The following ODR4 variants were observed in gnomAD, a reference collection of about 807,000 sequenced individuals.
The protein encoded by ODR4 is odr-4 GPCR localization factor homolog.
ODR4 carries 47 observed loss-of-function variants against 60.2 expected under a neutral mutation model. That is an observed-to-expected ratio of 0.78 (90% confidence interval 0.62 to 1.00). The LOEUF is 1.00. ODR4 is among the 50% of genes least tolerant of loss of function. ODR4 has a pLI of 0.00. For missense variants in ODR4, 488 were observed against 530.8 expected, an observed-to-expected ratio of 0.92 and a Z score of 0.79; for synonymous variants, 178 against 175.5, an observed-to-expected ratio of 1.01 and a Z score of -0.11.
intron 4 of ODR4, 38 bp downstream of exon 4, chr1:186,386,121 T>TAAAAATAACA: frequency 8.3e-7 from 1 of 1,198,232 alleles, no homozygotes; most frequent in Non-Finnish European, 1.2e-6. Flanking sequence ...ATGAAATCAG[T>TAAAAATAACA]TATATGTTAT....
At chr1:186,388,390 AT>A (rs956768557) in intron 4 of ODR4, 51 bp from the exon 5 acceptor site, 304 of 1,013,632 alleles carry the variant, frequency 3.0e-4, no homozygotes, top group South Asian at 5.9e-4. Context: ...TTCAACACTC[AT>A]CTTTTTTTTT....
At chr1:186,411,849 T>C in intron 12 of ODR4, 4 of 978,268 alleles carry the variant, frequency 4.1e-6, no homozygotes, top group Non-Finnish European at 4.9e-6. Context: ...AAGAGTTTAA[T>C]ATTACAAGAA....
chr1:186,400,947 T>G, intron 11 of ODR4: 1 of 1,253,354 alleles, frequency 8.0e-7, no homozygotes, highest in South Asian at 1.3e-5. Context: ...GCAATTTGAC[T>G]TTGAGTTTGT....
chr1:186,416,533 A>T (rs1478760930), intron 12 of ODR4, among the ~76,000 whole-genome samples: 1 of 152,124 alleles, frequency 6.6e-6, no homozygotes, highest in East Asian at 1.9e-4. Context: ...TTAGTCGGGC[A>T]TAGTGGTGCA....
chr1:186,424,357 ACTTTTT>A (rs549636584), downstream of ODR4, among the ~76,000 whole-genome samples: 495 of 152,278 alleles, frequency 3.3e-3, 2 homozygotes, highest in African/African-American at 0.011. Context: ...TTGTGATAAA[ACTTTTT>A]CTTTTAAAGG....
the ODR4 span, among the ~76,000 whole-genome samples, chr1:186,430,758 T>C: frequency 6.6e-6 from 1 of 152,066 alleles, no homozygotes; most frequent in East Asian, 1.9e-4. Context: ...TTAATTCCTT[T>C]GATCTTTAAG....
At chr1:186,421,527 A>G (rs937092749), downstream of ODR4, 1 of 152,124 alleles carries the variant, frequency 6.6e-6, no homozygotes, top group Non-Finnish European at 1.5e-5. Context: ...CTATGTTATA[A>G]TAAATATGTG....
At chr1:186,410,474 G>T (rs916235586) in intron 12 of ODR4, among the ~76,000 whole-genome samples, 1 of 152,100 alleles carries the variant, frequency 6.6e-6, no homozygotes, top group African/African-American at 2.4e-5. Flanking sequence ...CAATATAATA[G>T]ATATGAATCA....
chr1:186,406,437 T>C (rs1243544142), intron 12 of ODR4, among the ~76,000 whole-genome samples, 169 bp downstream of exon 12: 1 of 152,168 alleles, frequency 6.6e-6, no homozygotes. Context: ...TTTCTACATG[T>C]CTAGACATAC....
At chr1:186,422,520 G>T (rs1014459155), downstream of ODR4, among the ~76,000 whole-genome samples, 10 of 152,196 alleles carry the variant, frequency 6.6e-5, no homozygotes, top group Non-Finnish European at 1.3e-4. Context: ...AGCAAAACTG[G>T]ACCCTGTATT....
intron 11 of ODR4, among the ~76,000 whole-genome samples, chr1:186,403,169 T>C (rs995056134): frequency 7.9e-5 from 12 of 152,306 alleles, no homozygotes; most frequent in Admixed American, 7.2e-4. Context: ...AACATATTAG[T>C]TGATCTTAGG....
chr1:186,414,819 C>CA (rs1235173785), intron 12 of ODR4, among the ~76,000 whole-genome samples: 2 of 152,034 alleles, frequency 1.3e-5, no homozygotes, highest in Non-Finnish European at 2.9e-5. Flanking sequence ...TACGTCCGGC[C>CA]AAAAAATACC....
intron 12 of ODR4, among the ~76,000 whole-genome samples, chr1:186,406,862 T>C (rs1183866641): frequency 6.6e-6 from 1 of 152,198 alleles, no homozygotes; most frequent in African/African-American, 2.4e-5. Context: ...GAAGACTGTT[T>C]GGGTTTTTTG....
At chr1:186,424,504 T>C (rs1661850904), downstream of ODR4, among the ~76,000 whole-genome samples, 1 of 152,144 alleles carries the variant, frequency 6.6e-6, no homozygotes, top group African/African-American at 2.4e-5. Context: ...AACATAAATT[T>C]TGGGTGGGGT....
chr1:186,393,919 T>C, intron 8 of ODR4, 28 bp from the exon 9 acceptor site: 1 of 1,260,190 alleles, frequency 7.9e-7, no homozygotes, highest in Non-Finnish European at 1.1e-6. Context: ...CTTCACAGTT[T>C]GGCTTTTTAA....
In ODR4 at chr1:186,420,849, A is replaced by G. The variant is rs773549292; in HGVS notation, c.*1773A>G. The G allele has an allele frequency of 2.0e-5, 3 of 152,170 alleles. No homozygotes were observed. Among genetic ancestry groups the G allele is most frequent in the Non-Finnish European group, 4.4e-5 (3 of 68,028 alleles). 9.4% of individuals were successfully genotyped at this position (152,170 alleles called of 1,614,324 possible). A position where few individuals can be genotyped will look rare whatever the true frequency, so the allele number is the denominator to read the frequency against. ...GAGGCAGTACTTGAAAGATAACACA[A>G]TTTTACAAATTTGTTGGAAAAACAT... is the stretch of plus-strand genomic sequence containing the variant. On this transcript the variant is annotated 3_prime_UTR_variant, in exon 14 of 14. Coordinates refer to ENST00000287859, the MANE Select transcript of ODR4 (RefSeq NM_017847.6).
At position 186,417,722 on chromosome 1, in the gene ODR4, G is replaced by C. The variant is rs1338039392; in HGVS notation, c.1297+68G>C. 19 of 849,176 alleles carry C rather than the reference G, an allele frequency of 2.2e-5. No homozygotes were observed. In the Admixed American group the frequency reaches 3.7e-4, roughly 17 times the overall value. 52.6% of individuals were successfully genotyped at this position (849,176 alleles called of 1,614,324 possible). A position where few individuals can be genotyped will look rare whatever the true frequency, so the allele number is the denominator to read the frequency against. On this transcript the variant is annotated intron_variant, in intron 13 of 13. Coordinates refer to ENST00000287859, the MANE Select transcript of ODR4 (RefSeq NM_017847.6). Reference sequence around the variant, plus strand: ...GATTTGAGTTTTCTTGTTACTTTAAGATCTTTGTATTTCATTTCTCTTTCT... The same window carrying C: ...GATTTGAGTTTTCTTGTTACTTTAACATCTTTGTATTTCATTTCTCTTTCT...
intron 12 of ODR4, among the ~76,000 whole-genome samples, chr1:186,409,837 G>C (rs1164908038): frequency 6.6e-6 from 1 of 152,042 alleles, no homozygotes; most frequent in Non-Finnish European, 1.5e-5. Flanking sequence ...AGTCACCAAG[G>C]CCAGCCAATA....
At chr1:186,430,068 TTTGTA>T in the ODR4 span, among the ~76,000 whole-genome samples, 5 of 152,076 alleles carry the variant, frequency 3.3e-5, no homozygotes, top group African/African-American at 4.8e-5. Context: ...TTATAACAGT[TTTGTA>T]TTGTATGTAG....
Sources: gnomAD v4.1 joint callset for allele counts (sites outside exome capture counted in the v4.1 genomes callset) on GRCh38, gnomAD v4.1.1 for gene constraint, MANE v1.5 for transcripts, NCBI Gene and HGNC (gene_info 2026-07-23, HGNC 2026-07-21) for gene names.